The following OSTN variants were observed in gnomAD, a reference collection of about 807,000 sequenced individuals.
OSTN encodes osteocrin.
OSTN carries 9 observed loss-of-function variants against 12.0 expected under a neutral mutation model. That is an observed-to-expected ratio of 0.75 (90% CI 0.45 to 1.30). OSTN has a LOEUF of 1.30. Among genes scored for constraint, OSTN ranks in the 50% most tolerant of loss-of-function variants. The pLI is 0.00. For missense variants in OSTN, 148 were observed against 152.3 expected, an observed-to-expected ratio of 0.97 and a Z score of 0.15; for synonymous variants, 59 against 56.9, an observed-to-expected ratio of 1.04 and a Z score of -0.16.
At chr3:191,256,396 T>C (rs1342857740) in intron 4 of OSTN, among the ~76,000 whole-genome samples, 1 of 152,162 alleles carries the variant, frequency 6.6e-6, no homozygotes, top group East Asian at 1.9e-4. Flanking sequence ...AAAGACTGAA[T>C]TTAGCATTTG....
At chr3:191,219,642 T>C (rs1392341668) in intron 3 of OSTN, among the ~76,000 whole-genome samples, 4 of 152,222 alleles carry the variant, frequency 2.6e-5, no homozygotes, top group African/African-American at 9.6e-5. Context: ...ACTTAGTTCA[T>C]TTTCTACCCC....
intron 4 of OSTN, among the ~76,000 whole-genome samples, chr3:191,251,421 T>C (rs1029485234): frequency 6.6e-6 from 1 of 152,212 alleles, no homozygotes; most frequent in Non-Finnish European, 1.5e-5. Flanking sequence ...TTTAACAATC[T>C]GAGGCTAGAG....
In OSTN at chr3:191,265,216, C is replaced by A. The variant is rs1366483924; in HGVS notation, c.*2363C>A. On this transcript the variant is annotated 3_prime_UTR_variant, in exon 5 of 5. Coordinates refer to ENST00000682035, the MANE Select transcript of OSTN (RefSeq NM_198184.2). Reference sequence around the variant, plus strand: ...TATTACTAATCCAACTATATTTCAACTTGAAGGGACTTTTTTGTTTTGTTT... The same window carrying A: ...TATTACTAATCCAACTATATTTCAAATTGAAGGGACTTTTTTGTTTTGTTT... The A allele has an allele frequency of 6.6e-6, 1 of 152,146 alleles. No individual in the cohort carries two copies. Among genetic ancestry groups the A allele is most frequent in the Admixed American group, 6.5e-5 (1 of 15,280 alleles). 9.4% of individuals were successfully genotyped at this position (152,146 alleles called of 1,614,324 possible).
intron 4 of OSTN, among the ~76,000 whole-genome samples, chr3:191,256,332 T>C (rs990194320): frequency 6.6e-5 from 10 of 152,152 alleles, no homozygotes; most frequent in African/African-American, 2.2e-4. Flanking sequence ...AAGCTGTATA[T>C]GTTTTTCTTG....
intron 3 of OSTN, among the ~76,000 whole-genome samples, chr3:191,244,534 C>T (rs1715388670): frequency 6.7e-6 from 1 of 149,594 alleles, no homozygotes; most frequent in African/African-American, 2.4e-5. Context: ...ATTTTTCATA[C>T]ACTACATTCA....
chr3:191,200,270 T>G (rs563397183), intron 1 of OSTN, among the ~76,000 whole-genome samples: 1 of 152,228 alleles, frequency 6.6e-6, no homozygotes, highest in African/African-American at 2.4e-5. Flanking sequence ...GTCTCCTTCA[T>G]GTCAGTGAAT....
At chr3:191,212,868 T>TCTC (rs1491322774) in intron 2 of OSTN, among the ~76,000 whole-genome samples, 2 of 39,598 alleles carry the variant, frequency 5.1e-5, no homozygotes, top group African/African-American at 1.4e-4. Context: ...CTTTTCTTTC[T>TCTC]TTTTTTTTTT....
chr3:191,212,666 A>G, intron 2 of OSTN, 32 bp downstream of exon 2: 1 of 1,057,096 alleles, frequency 9.5e-7, no homozygotes, highest in East Asian at 2.9e-5. Context: ...AAATAAATAT[A>G]CATGTTTGAC....
chr3:191,259,323 T>G, intron 4 of OSTN, among the ~76,000 whole-genome samples: 1 of 151,662 alleles, frequency 6.6e-6, no homozygotes, highest in Non-Finnish European at 1.5e-5. Flanking sequence ...GCCTCCCGAG[T>G]AGCCAGGAGC....
chr3:191,257,993 A>C (rs1423108461), intron 4 of OSTN, among the ~76,000 whole-genome samples: 3 of 152,244 alleles, frequency 2.0e-5, no homozygotes, highest in East Asian at 3.8e-4. Flanking sequence ...TTAGAATTTT[A>C]GCCATAAGAC....
intron 3 of OSTN, among the ~76,000 whole-genome samples, chr3:191,236,411 G>A (rs1033395563): frequency 1.3e-5 from 2 of 152,102 alleles, no homozygotes; most frequent in Middle Eastern, 6.3e-3. Flanking sequence ...CAAGTCCACA[G>A]AGTAAAGTGA....
intron 3 of OSTN, among the ~76,000 whole-genome samples, chr3:191,224,774 T>C (rs1447241434): frequency 6.6e-6 from 1 of 152,106 alleles, no homozygotes; most frequent in Non-Finnish European, 1.5e-5. Flanking sequence ...AAATTTTATT[T>C]TTGCATTTTT....
At chr3:191,229,851 G>T (rs992801743) in intron 3 of OSTN, 5 of 152,090 alleles carry the variant, frequency 3.3e-5, no homozygotes, top group African/African-American at 4.8e-5. Flanking sequence ...GATCGCTTGA[G>T]GTCAGGAGTT....
rs182046655 is a variant in OSTN at position 191,259,262 on chromosome 3, T to C, written c.*13-3604T>C. ...CAGACTGGAATGCAGTAGCACCGTC[T>C]CAGCTCACTGCAACCTCCGCCTCCC... On this transcript the variant is annotated intron_variant, in intron 4 of 4. Transcript: ENST00000682035. 3.3e-5 allele frequency among the ~76,000 whole-genome samples: 5 copies of C among 151,696 alleles called. No homozygotes were observed. The East Asian group carries it at 5.8e-4, about 18-fold the overall frequency.
In OSTN at chr3:191,264,569, AAGCTAGCAAT is replaced by A. The variant is rs2108560261; in HGVS notation, c.*1720_*1729del. The A allele has an allele frequency of 6.6e-6, 1 of 152,262 alleles. No individual in the cohort carries two copies. Among genetic ancestry groups the A allele is most frequent in the East Asian group, 1.9e-4 (1 of 5,186 alleles). 9.4% of individuals were successfully genotyped at this position (152,262 alleles called of 1,614,324 possible). On this transcript the variant is annotated 3_prime_UTR_variant, in exon 5 of 5. Transcript: ENST00000682035. ...CTTTTTTTCATAAACTTGTGTTAGA[AAGCTAGCAAT>A]AGCACATAGGGAAGTATCCTGGAGG... is the stretch of plus-strand genomic sequence containing the variant.
At chr3:191,208,560 A>G (rs1714339511) in intron 1 of OSTN, among the ~76,000 whole-genome samples, 1 of 152,216 alleles carries the variant, frequency 6.6e-6, no homozygotes, top group African/African-American at 2.4e-5. Context: ...GGATGTGGTT[A>G]TCTGTAAGAT....
At chr3:191,217,214 AACTC>A (rs1255492465) in intron 2 of OSTN, 1 of 152,200 alleles carries the variant, frequency 6.6e-6, no homozygotes, top group African/African-American at 2.4e-5. Context: ...CTCTCATGAG[AACTC>A]ACTCACTATC....
intron 3 of OSTN, among the ~76,000 whole-genome samples, chr3:191,226,978 C>T (rs887814552): frequency 5.9e-5 from 9 of 151,486 alleles, no homozygotes; most frequent in Non-Finnish European, 1.0e-4. Context: ...TAAATTCAGA[C>T]GTAAAATTTG....
chr3:191,201,492 T>C (rs1714152246), intron 1 of OSTN, among the ~76,000 whole-genome samples: 1 of 152,194 alleles, frequency 6.6e-6, no homozygotes, highest in Non-Finnish European at 1.5e-5. Context: ...AAAATGGTAT[T>C]AAAAGTTCAC....
Sources: allele counts gnomAD v4.1 joint callset (sites outside exome capture counted in the v4.1 genomes callset), GRCh38; gene constraint gnomAD v4.1.1; transcripts MANE v1.5; gene names NCBI Gene and HGNC (gene_info 2026-07-23, HGNC 2026-07-21).